The following OXR1 variants were observed in gnomAD, a reference collection of about 807,000 sequenced individuals.
OXR1 encodes oxidation resistance protein 1.
Under a neutral mutation model 104.6 loss-of-function variants are expected in OXR1, and 41 were observed. The ratio of observed to expected loss-of-function variants is 0.39; its 90% CI spans 0.31 to 0.51. The LOEUF is 0.51. Ranked by LOEUF, OXR1 falls within the 20% of genes least tolerant of loss-of-function variation. OXR1 has a pLI of 0.77. For missense variants in OXR1, 955 were observed against 1,031.9 expected (o/e 0.93, Z 1.02); for synonymous variants, 348 against 348.4 (o/e 1.00, Z 0.01).
chr8:106,560,464 A>G (rs1488910000), intron 3 of OXR1, among the ~76,000 whole-genome samples: 1 of 152,206 alleles, frequency 6.6e-6, no homozygotes, highest in Non-Finnish European at 1.5e-5. Context: ...GGATTGCTCG[A>G]AGCAGACATC....
chr8:106,535,888 A>G (rs1468679387), intron 3 of OXR1, among the ~76,000 whole-genome samples: 1 of 151,990 alleles, frequency 6.6e-6, no homozygotes, highest in Non-Finnish European at 1.5e-5. Flanking sequence ...TGTGTGAACT[A>G]TTTTCCTTGT....
At chr8:106,356,173 C>T (rs954203932) in intron 1 of OXR1, among the ~76,000 whole-genome samples, 1 of 152,150 alleles carries the variant, frequency 6.6e-6, no homozygotes, top group Non-Finnish European at 1.5e-5. Context: ...AGGCAGCTAG[C>T]AAAGCTATCT....
Position 106,684,253 on chromosome 8 carries a change from A to G in OXR1, c.419A>G (p.Tyr140Cys). The G allele has an allele frequency of 1.9e-6, 3 of 1,557,672 alleles. No homozygotes were observed. The highest frequency in any genetic ancestry group is 2.7e-6 in the Non-Finnish European group (3 of 1,129,684). The change falls in exon 6 of 17, where the codon TAT becomes TGT. Residue 140 changes from tyrosine to cysteine, a missense_variant. By Grantham distance (194) the Tyr-to-Cys change is radical. Coordinates refer to ENST00000517566, the MANE Select transcript of OXR1 (RefSeq NM_001198533.2). The stretch of plus-strand genomic sequence containing the variant: ...GTGAATGTTTTCTTACAGGTTCTGT[A>G]TGTTCCTGATCCTGAATATGTCTCC... Reference protein sequence around the residue: ...SRAVVTGQVLYVPDPEYVSSV... With the variant: ...SRAVVTGQVLCVPDPEYVSSV...
chr8:106,686,828 C>G (rs1828779130), intron 6 of OXR1, among the ~76,000 whole-genome samples: 1 of 151,988 alleles, frequency 6.6e-6, no homozygotes, highest in Non-Finnish European at 1.5e-5. Context: ...TTGAGAATTT[C>G]CATGGAAAAC....
intron 3 of OXR1, among the ~76,000 whole-genome samples, chr8:106,625,417 G>A (rs903257386): frequency 2.0e-5 from 3 of 152,138 alleles, no homozygotes; most frequent in Non-Finnish European, 4.4e-5. Flanking sequence ...ATAACTAAGG[G>A]CTCATTATTG....
intron 1 of OXR1, among the ~76,000 whole-genome samples, chr8:106,289,423 A>C (rs868233305): frequency 1.3e-5 from 2 of 152,340 alleles, no homozygotes; most frequent in South Asian, 4.1e-4. Flanking sequence ...ATAGCCACAA[A>C]GAAAGGAAAT....
intron 3 of OXR1, among the ~76,000 whole-genome samples, chr8:106,599,841 G>A (rs7825288): frequency 0.21 from 31,426 of 152,014 alleles, 3,413 homozygotes; most frequent in East Asian, 0.41. Flanking sequence ...GGGTAGGGGT[G>A]TTGGGGGTTG....
At chr8:106,290,611 A>G (rs1268192070) in intron 1 of OXR1, among the ~76,000 whole-genome samples, 2 of 152,068 alleles carry the variant, frequency 1.3e-5, no homozygotes, top group East Asian at 1.9e-4. Flanking sequence ...AAAACAAATA[A>G]CCCCATTAAA....
intron 2 of OXR1, among the ~76,000 whole-genome samples, chr8:106,445,567 C>T (rs1020206713): frequency 5.3e-5 from 8 of 152,208 alleles, no homozygotes; most frequent in African/African-American, 1.9e-4. Flanking sequence ...CTCTCACTTA[C>T]TTACCAAGTC....
At chr8:106,537,513 C>T (rs990389534) in intron 3 of OXR1, among the ~76,000 whole-genome samples, 1 of 152,006 alleles carries the variant, frequency 6.6e-6, no homozygotes, top group Non-Finnish European at 1.5e-5. Flanking sequence ...GAAAGGATTT[C>T]AGTAATAGTT....
At chr8:106,390,684 A>G (rs1817557206) in intron 2 of OXR1, among the ~76,000 whole-genome samples, 1 of 152,204 alleles carries the variant, frequency 6.6e-6, no homozygotes, top group Non-Finnish European at 1.5e-5. Flanking sequence ...GAGCAGAATA[A>G]ACAATTCAGT....
chr8:106,343,193 T>G (rs1262741040), intron 1 of OXR1, among the ~76,000 whole-genome samples: 2 of 152,234 alleles, frequency 1.3e-5, no homozygotes, highest in Non-Finnish European at 2.9e-5. Context: ...TTCTTCCCAA[T>G]GCCACTGGAA....
chr8:106,369,688 T>C (rs538735209), intron 2 of OXR1, among the ~76,000 whole-genome samples: 1 of 152,222 alleles, frequency 6.6e-6, no homozygotes, highest in Admixed American at 6.5e-5. Context: ...GTCAGGTTTG[T>C]TGAAGATCAG....
Position 106,683,220 on chromosome 8 carries a change from A to G in OXR1, c.325A>G (p.Asn109Asp). The change falls in exon 5 of 17, where the codon AAT becomes GAT. Residue 109 changes from asparagine (N) to aspartate (D), a missense_variant. Asn to Asp is a conservative substitution (Grantham distance 23). Transcript: ENST00000517566. ...EYTVESRDSL[N>D]SIALKFDTTP... ...ACAGGTTGAATCAAGGGATTCTTTG[A>G]ATAGCATAGCCCTGAAGTTTGATAC... 6.3e-7 allele frequency: 1 copy of G among 1,582,272 alleles called. No individual in the cohort carries two copies.
intron 3 of OXR1, among the ~76,000 whole-genome samples, chr8:106,660,163 A>G (rs1389387288): frequency 6.6e-6 from 1 of 152,226 alleles, no homozygotes; most frequent in Non-Finnish European, 1.5e-5. Context: ...TTGGAGCAGA[A>G]TTAGTGAAAA....
At chr8:106,277,515 A>G (rs1812099237) in intron 1 of OXR1, among the ~76,000 whole-genome samples, 1 of 152,218 alleles carries the variant, frequency 6.6e-6, no homozygotes, top group Non-Finnish European at 1.5e-5. Flanking sequence ...CTCAAGAATC[A>G]TAAAGCCTGA....
chr8:106,713,911 A>G lies in OXR1; in HGVS notation c.1882A>G (p.Ile628Val), dbSNP rs754392726. The change falls in exon 11 of 17, where the codon ATA (isoleucine) becomes GTA (valine). Residue 628 changes from isoleucine (I) to valine (V), a missense_variant. Physicochemically the swap from Ile to Val is conservative, Grantham distance 29. This residue lies in a region of OXR1 where 849 missense variants were observed against 852.9 expected (regional missense o/e 1.00). Transcript: ENST00000517566. ...TGEYTREPGF[I>V]VVKKIEESET... ...CGAATATACCAGAGAACCTGGATTT[A>G]TAGTAGTAAAAAAGATTGAGGAGTC... The G allele has an allele frequency of 1.9e-6, 3 of 1,595,478 alleles. No individual in the cohort carries two copies. Among genetic ancestry groups the G allele is most frequent in the Non-Finnish European group, 1.7e-6 (2 of 1,174,118 alleles).
chr8:106,651,087 A>G (rs2131010807), intron 3 of OXR1, among the ~76,000 whole-genome samples: 1 of 152,332 alleles, frequency 6.6e-6, no homozygotes, highest in African/African-American at 2.4e-5. Context: ...AAAAATGTTG[A>G]TAGATCCTGC....
intron 2 of OXR1, among the ~76,000 whole-genome samples, chr8:106,498,050 T>C (rs1811533566): frequency 6.6e-6 from 1 of 152,214 alleles, no homozygotes. Flanking sequence ...GACTTTTGTC[T>C]TCTGATTATA....
Sources: gnomAD v4.1 joint callset for allele counts (sites outside exome capture counted in the v4.1 genomes callset) on GRCh38, gnomAD v4.1.1 for gene constraint, gnomAD v4.1.1 regional missense constraint, MANE v1.5 for transcripts, NCBI Gene and HGNC (gene_info 2026-07-23, HGNC 2026-07-21) for gene names.